The following PARP8 variants were observed in gnomAD, a reference collection of about 807,000 sequenced individuals.
The protein encoded by PARP8 is poly(ADP-ribose) polymerase family member 8, also known as protein mono-ADP-ribosyltransferase PARP8.
A neutral mutation model predicts 124.1 loss-of-function variants in PARP8; 51 were observed. The observed-to-expected ratio is 0.41, with a 90% CI of 0.33 to 0.52. PARP8 has a LOEUF of 0.52. Ranked by LOEUF, PARP8 falls within the 20% of genes least tolerant of loss-of-function variation. The pLI is 0.21. For missense variants in PARP8, 860 were observed against 1,018.9 expected, an observed-to-expected ratio of 0.84 and a Z score of 2.12; for synonymous variants, 391 against 361.5, an observed-to-expected ratio of 1.08 and a Z score of -0.93.
chr5:50,837,504 C>G (rs1313267361), intron 25 of PARP8, among the ~76,000 whole-genome samples: 1 of 152,014 alleles, frequency 6.6e-6, no homozygotes, highest in Non-Finnish European at 1.5e-5. Context: ...TTTTTTGATA[C>G]ATTATGTGAT....
chr5:50,788,835 T>A (rs1741612591), intron 10 of PARP8, among the ~76,000 whole-genome samples: 2 of 152,140 alleles, frequency 1.3e-5, no homozygotes, highest in South Asian at 4.1e-4. Context: ...AGCACCCTGC[T>A]CTCTACCTGG....
At position 50,709,844 on chromosome 5, in the gene PARP8, AGTGTGTGT is replaced by A. The variant is rs35238386; in HGVS notation, c.147-40282_147-40275del. ...TGGATGGATGGACTGTTTGTACAAG[AGTGTGTGT>A]GTGTGTGTGTGTGTGTGTGTGTGTT... On this transcript the variant is annotated intron_variant, in intron 2 of 25. Transcript: ENST00000281631. Among the ~76,000 whole-genome samples, 53 of 127,922 alleles carry A rather than the reference AGTGTGTGT, an allele frequency of 4.1e-4. No individual in the cohort carries two copies. In the East Asian group the frequency reaches 5.3e-3, roughly 13 times the overall value. 83.9% of individuals were successfully genotyped at this position (127,922 alleles called of 152,430 possible).
chr5:50,832,893 A>G (rs1021785614), intron 23 of PARP8, 39 bp downstream of exon 23: 6 of 1,575,260 alleles, frequency 3.8e-6, no homozygotes, highest in South Asian at 1.1e-5. Flanking sequence ...TGATTAGTGA[A>G]CTGTGGCCTC....
At chr5:50,678,199 C>T (rs1419008275) in intron 2 of PARP8, among the ~76,000 whole-genome samples, 1 of 152,134 alleles carries the variant, frequency 6.6e-6, no homozygotes, top group Non-Finnish European at 1.5e-5. Context: ...CAAAAATTCC[C>T]TGCCTACTAA....
Position 50,667,066 on chromosome 5 carries a change from G to A in PARP8, c.-30G>A. ...AGGGGGGTGGGGTGGGGTGGAAATAGCGGCTGCTTCTTTTCCAGGGATTTA... is the reference window on the plus strand; with the variant it reads ...AGGGGGGTGGGGTGGGGTGGAAATAACGGCTGCTTCTTTTCCAGGGATTTA... On this transcript the variant is annotated 5_prime_UTR_variant, in exon 1 of 26. Transcript: ENST00000281631. 6.3e-7 allele frequency: 1 copy of A among 1,596,196 alleles called. No homozygotes were observed. Among genetic ancestry groups the A allele is most frequent in the Non-Finnish European group, 8.5e-7 (1 of 1,179,664 alleles).
chr5:50,820,936 G>T (rs1745694895), intron 15 of PARP8, among the ~76,000 whole-genome samples: 1 of 152,196 alleles, frequency 6.6e-6, no homozygotes, highest in African/African-American at 2.4e-5. Flanking sequence ...CTTGTGCCTT[G>T]TCTTACCATA....
chr5:50,667,340 G>C (rs1362268204), intron 1 of PARP8, among the ~76,000 whole-genome samples, 154 bp downstream of exon 1: 4 of 152,174 alleles, frequency 2.6e-5, no homozygotes, highest in Non-Finnish European at 5.9e-5. Flanking sequence ...GGAGCCAAAA[G>C]GGGGAGGGGG....
At chr5:50,779,588 C>G (rs1227057891) in intron 9 of PARP8, among the ~76,000 whole-genome samples, 1 of 152,158 alleles carries the variant, frequency 6.6e-6, no homozygotes, top group Non-Finnish European at 1.5e-5. Context: ...TTGGAAGAGA[C>G]AGGATGTAGA....
intron 2 of PARP8, among the ~76,000 whole-genome samples, chr5:50,732,958 C>T (rs1035762535): frequency 6.6e-6 from 1 of 151,396 alleles, no homozygotes; most frequent in Non-Finnish European, 1.5e-5. Context: ...GAATAGTTTT[C>T]ACATAACAGT....
At chr5:50,682,182 A>G (rs895303057) in intron 2 of PARP8, among the ~76,000 whole-genome samples, 1 of 152,134 alleles carries the variant, frequency 6.6e-6, no homozygotes, top group Non-Finnish European at 1.5e-5. Context: ...AAGCTGTGCC[A>G]TTGGAAACTT....
chr5:50,723,399 GTGA>G (rs1756105794), intron 2 of PARP8, among the ~76,000 whole-genome samples: 1 of 151,994 alleles, frequency 6.6e-6, no homozygotes, highest in South Asian at 2.1e-4. Flanking sequence ...CAAGACTTTG[GTGA>G]TGATGATTAT....
chr5:50,790,201 A>G (rs1417703259), intron 10 of PARP8, among the ~76,000 whole-genome samples: 3 of 152,172 alleles, frequency 2.0e-5, no homozygotes, highest in Non-Finnish European at 2.9e-5. Flanking sequence ...CCTCTCTAAA[A>G]CTAAATTTAA....
rs141009552 is a variant in PARP8 at position 50,710,626 on chromosome 5, C to T, written c.147-39525C>T. ...GGTCCTGCTAATTCTCATTTCTGGT[C>T]TGGTAGGAACCTTTTAGAGAGAAAT... On this transcript the variant is annotated intron_variant, in intron 2 of 25. Transcript: ENST00000281631. Among the ~76,000 whole-genome samples, 412 of 152,152 alleles carry T rather than the reference C, an allele frequency of 2.7e-3. 5 individuals carry two copies. In the East Asian group the frequency reaches 0.039, roughly 14 times the overall value.
intron 2 of PARP8, among the ~76,000 whole-genome samples, chr5:50,709,933 T>TATATATATATATATACACATAC (rs1754572843): frequency 1.2e-5 from 1 of 82,320 alleles, no homozygotes; most frequent in Admixed American, 1.3e-4. Flanking sequence ...TATATATATA[T>TATATATATATATATACACATAC]ATATATATAT....
chr5:50,761,737 G>T, intron 5 of PARP8, 84 bp from the exon 6 acceptor site: 1 of 853,650 alleles, frequency 1.2e-6, no homozygotes, highest in Non-Finnish European at 1.8e-6. Flanking sequence ...ATATGCTCAA[G>T]ACTTGCCTAT....
intron 9 of PARP8, among the ~76,000 whole-genome samples, chr5:50,786,478 C>T (rs995700090): frequency 6.6e-6 from 1 of 151,878 alleles, no homozygotes; most frequent in Non-Finnish European, 1.5e-5. Flanking sequence ...GATCCTCCCA[C>T]CTCAGCCTCC....
Position 50,760,268 on chromosome 5 carries a change from TTTTAAATTACAAC to T in PARP8, c.275-20_275-8del. On this transcript the variant is annotated splice_polypyrimidine_tract_variant and intron_variant, in intron 4 of 25. Transcript: ENST00000281631. ...ATAGCATACTAAGTATCATAATATT[TTTTAAATTACAAC>T]TTTCTTTCAGAATTAAGAAAAACAA... 1 of 1,475,232 alleles carries T rather than the reference TTTTAAATTACAAC, an allele frequency of 6.8e-7. No homozygotes were observed. The highest frequency in any genetic ancestry group is 2.4e-5 in the East Asian group (1 of 41,534). The allele number at this position is 1,475,232 out of a possible 1,614,324, so 91.4% of individuals were successfully genotyped here.
chr5:50,830,016 T>C lies in PARP8; in HGVS notation c.2233+55T>C, dbSNP rs565170580. On this transcript the variant is annotated intron_variant, in intron 22 of 25. Coordinates refer to ENST00000281631, the MANE Select transcript of PARP8 (RefSeq NM_024615.4). ...CATTTATTAGGTTTTAATTTTCTTATTGTTTATACTCTATTCACAGCTTTC... is the reference window on the plus strand; with the variant it reads ...CATTTATTAGGTTTTAATTTTCTTACTGTTTATACTCTATTCACAGCTTTC... 16 of 1,578,076 alleles carry C rather than the reference T, an allele frequency of 1.0e-5. No individual in the cohort carries two copies. In the African/African-American group the frequency reaches 1.9e-4, roughly 19 times the overall value.
At chr5:50,786,765 G>A (rs1444114944) in intron 9 of PARP8, among the ~76,000 whole-genome samples, 2 of 151,914 alleles carry the variant, frequency 1.3e-5, no homozygotes, top group Non-Finnish European at 1.5e-5. Flanking sequence ...AGCTGGGCTC[G>A]GGGCCTAATC....
Sources: gnomAD v4.1 joint callset for allele counts (sites outside exome capture counted in the v4.1 genomes callset) on GRCh38, gnomAD v4.1.1 for gene constraint, MANE v1.5 for transcripts, NCBI Gene and HGNC (gene_info 2026-07-23, HGNC 2026-07-21) for gene names.